Variants in PLEKHA5 observed in about 807,000 individuals in gnomAD.
PLEKHA5 encodes pleckstrin homology domain containing A5, also known as pleckstrin homology domain-containing family A member 5.
Under a neutral mutation model 181.9 loss-of-function variants are expected in PLEKHA5, and 55 were observed. That is an observed-to-expected ratio of 0.30 (90% CI 0.24 to 0.38). PLEKHA5 has a LOEUF of 0.38. Ranked by LOEUF, PLEKHA5 falls within the 10% of genes least tolerant of loss-of-function variation. The probability of loss-of-function intolerance (pLI) is 1.00; values close to 1 mark genes in which losing one functional copy is unlikely to be tolerated. For synonymous variants in PLEKHA5, 535 were observed against 529.4 expected (o/e 1.01, Z -0.15); for missense variants, 1,432 against 1,549.5 (o/e 0.92, Z 1.27).
chr12:19,193,261 T>G (rs906838055), intron 3 of PLEKHA5, among the ~76,000 whole-genome samples: 6 of 152,212 alleles, frequency 3.9e-5, no homozygotes, highest in African/African-American at 1.4e-4. Context: ...TATAGTAAGA[T>G]TCACAAGAAT....
At position 19,161,482 on chromosome 12, in the gene PLEKHA5, C is replaced by T. The variant is rs561871058; in HGVS notation, c.227+29032C>T. Among the ~76,000 whole-genome samples the T allele has an allele frequency of 7.9e-5, 12 of 152,268 alleles. No individual in the cohort carries two copies. The East Asian group carries it at 1.2e-3, about 15-fold the overall frequency. On this transcript the variant is annotated intron_variant, in intron 3 of 31. Coordinates refer to ENST00000429027, the MANE Select transcript of PLEKHA5 (RefSeq NM_001256470.2). The stretch of plus-strand genomic sequence containing the variant: ...CTTACCGGTTAGCTGCTTATTAAAA[C>T]GCACAATCAGCACCCCTCTCCCACC...
At chr12:19,187,866 C>G (rs1591987416) in intron 3 of PLEKHA5, among the ~76,000 whole-genome samples, 2 of 152,206 alleles carry the variant, frequency 1.3e-5, no homozygotes. Context: ...TAAATGTGAT[C>G]TGTTTCAATT....
At chr12:19,306,377 T>TC in intron 15 of PLEKHA5, 1 of 510,696 alleles carries the variant, frequency 2.0e-6, no homozygotes, top group South Asian at 1.6e-5. Flanking sequence ...CGTGCTCTCT[T>TC]CCCCTCCCCC....
intron 3 of PLEKHA5, chr12:19,200,642 ATCTG>A: frequency 1.9e-6 from 2 of 1,080,598 alleles, no homozygotes; most frequent in Non-Finnish European, 2.2e-6. Flanking sequence ...TTCAATCCAA[ATCTG>A]TCTGTATCTT....
At chr12:19,352,200 G>A (rs374209148) in intron 25 of PLEKHA5, among the ~76,000 whole-genome samples, 8 of 151,622 alleles carry the variant, frequency 5.3e-5, no homozygotes, top group South Asian at 2.1e-4. Context: ...CCTGGACAAC[G>A]TGGCAAGATC....
chr12:19,139,206 AG>A (rs2036587560), intron 3 of PLEKHA5, among the ~76,000 whole-genome samples: 1 of 152,206 alleles, frequency 6.6e-6, no homozygotes, highest in Non-Finnish European at 1.5e-5. Flanking sequence ...AGCTCCTCAA[AG>A]CCTTTGTGTC....
chr12:19,180,770 A>G (rs1371596788), intron 3 of PLEKHA5, among the ~76,000 whole-genome samples: 3 of 149,764 alleles, frequency 2.0e-5, no homozygotes, highest in Non-Finnish European at 4.4e-5. Context: ...TATTTAAAAA[A>G]TATATATCTT....
chr12:19,348,813 A>G (rs527627862), intron 25 of PLEKHA5, among the ~76,000 whole-genome samples: 7 of 152,138 alleles, frequency 4.6e-5, no homozygotes, highest in Non-Finnish European at 1.0e-4. Flanking sequence ...AATAAAAGAC[A>G]TTAGCTGGGC....
intron 20 of PLEKHA5, among the ~76,000 whole-genome samples, chr12:19,331,892 G>A (rs2153094971): frequency 6.6e-6 from 1 of 152,202 alleles, no homozygotes; most frequent in East Asian, 1.9e-4. Flanking sequence ...CAGCATGGTG[G>A]TGTGCACCTG....
In PLEKHA5 at chr12:19,347,182, T is replaced by C. The variant is rs1409055496; in HGVS notation, c.2898T>C (p.Cys966=). 15 of 1,518,728 alleles carry C rather than the reference T, an allele frequency of 9.9e-6. No individual in the cohort carries two copies. The highest frequency in any genetic ancestry group is 1.4e-5 in the African/African-American group (1 of 72,366). 94.1% of individuals were successfully genotyped at this position (1,518,728 alleles called of 1,614,324 possible). A position where few individuals can be genotyped will look rare whatever the true frequency, so the allele number is the denominator to read the frequency against. The part of the protein sequence containing the change: ...VQGYPRNGSH[C]GPDYRLYKSE... The stretch of plus-strand genomic sequence containing the variant: ...GATATCCAAGAAATGGATCTCACTG[T>C]GTAAGTGGCTGGAATAGCCACAGAA... Residue 966 remains cysteine (C), a splice_region_variant and synonymous_variant, in exon 24 of 32, where the codon TGT becomes TGC. Coordinates refer to ENST00000429027, the MANE Select transcript of PLEKHA5 (RefSeq NM_001256470.2).
chr12:19,344,866 TGGGAGGCCGA>T (rs1322207760), intron 22 of PLEKHA5, among the ~76,000 whole-genome samples: 1 of 151,570 alleles, frequency 6.6e-6, no homozygotes, highest in Non-Finnish European at 1.5e-5. Flanking sequence ...CCCAGCACTT[TGGGAGGCCGA>T]GGCAGGCGGA....
At chr12:19,293,778 A>G (rs367793487) in intron 15 of PLEKHA5, among the ~76,000 whole-genome samples, 2 of 152,290 alleles carry the variant, frequency 1.3e-5, no homozygotes, top group South Asian at 2.1e-4. Flanking sequence ...ATATGCTAAG[A>G]TGCCCTTCCT....
At position 19,286,763 on chromosome 12, in the gene PLEKHA5, C is replaced by T. The variant is rs541087634; in HGVS notation, c.1780-710C>T. Reference sequence around the variant, plus strand: ...GGTGGATTGCTTGAGGCCAGGAGTTCGAGACCAGCCTGGCCAACATGGTGA... The same window carrying T: ...GGTGGATTGCTTGAGGCCAGGAGTTTGAGACCAGCCTGGCCAACATGGTGA... On this transcript the variant is annotated intron_variant, in intron 12 of 31. Transcript: ENST00000429027. Among the ~76,000 whole-genome samples, 7 of 151,814 alleles carry T rather than the reference C, an allele frequency of 4.6e-5. No individual in the cohort carries two copies. In the East Asian group the frequency reaches 5.9e-4, roughly 13 times the overall value.
intron 29 of PLEKHA5, among the ~76,000 whole-genome samples, chr12:19,364,519 A>T (rs12818529): frequency 0.22 from 32,831 of 151,350 alleles, 3,561 homozygotes; most frequent in South Asian, 0.28. Context: ...TCAAAAAAAA[A>T]ATATATATGT....
chr12:19,193,613 A>G (rs2051808311), intron 3 of PLEKHA5, among the ~76,000 whole-genome samples: 1 of 152,072 alleles, frequency 6.6e-6, no homozygotes, highest in African/African-American at 2.4e-5. Flanking sequence ...TGCACGTTGT[A>G]CCTACCAGAG....
At chr12:19,318,529 T>C (rs1191982157) in intron 16 of PLEKHA5, among the ~76,000 whole-genome samples, 1 of 152,194 alleles carries the variant, frequency 6.6e-6, no homozygotes, top group Non-Finnish European at 1.5e-5. Context: ...CTCTGAGATA[T>C]AGGGTACATT....
intron 3 of PLEKHA5, among the ~76,000 whole-genome samples, chr12:19,193,504 T>C (rs2051768414): frequency 6.6e-6 from 1 of 152,170 alleles, no homozygotes; most frequent in Admixed American, 6.5e-5. Flanking sequence ...TTTTTTAATT[T>C]GTATATAATC....
chr12:19,357,182 C>A (rs1036224965), intron 26 of PLEKHA5, among the ~76,000 whole-genome samples: 8 of 151,328 alleles, frequency 5.3e-5, no homozygotes, highest in African/African-American at 1.9e-4. Flanking sequence ...CTTTCAGGGT[C>A]AAGTTTTATG....
intron 12 of PLEKHA5, among the ~76,000 whole-genome samples, chr12:19,285,828 T>A (rs537950070): frequency 6.6e-6 from 1 of 152,374 alleles, no homozygotes; most frequent in Non-Finnish European, 1.5e-5. Flanking sequence ...AAATGGTAAA[T>A]GCATAAAGCA....
Sources: allele counts gnomAD v4.1 joint callset (sites outside exome capture counted in the v4.1 genomes callset), GRCh38; gene constraint gnomAD v4.1.1; transcripts MANE v1.5; gene names NCBI Gene and HGNC (gene_info 2026-07-23, HGNC 2026-07-21).